Variants in ZFX observed in about 807,000 individuals in gnomAD.
ZFX encodes zinc finger X-chromosomal protein.
For missense variants in ZFX, 362 were observed against 628.3 expected, an observed-to-expected ratio of 0.58 and a Z score of 4.53; for synonymous variants, 196 against 226.8, an observed-to-expected ratio of 0.86 and a Z score of 1.22.
intron 3 of ZFX, among the ~76,000 whole-genome samples, chrX:24,158,776 A>G (rs1601799717): frequency 1.9e-5 from 2 of 105,932 alleles, no homozygotes; most frequent in Admixed American, 1.0e-4. Context: ...AGCTGGGACT[A>G]CAGGCATGTG....
chrX:24,210,720 T>C lies in ZFX; in HGVS notation c.1762T>C (p.Ser588Pro), dbSNP rs1330651442. The change falls in exon 10 of 10, where the codon TCT becomes CCT. Residue 588 changes from serine (S) to proline (P), a missense_variant. By Grantham distance (74) the Ser-to-Pro change is moderately conservative. Coordinates refer to ENST00000304543, the MANE Select transcript of ZFX (RefSeq NM_003410.4). ...GTACTGCGAATATAGGTCTGCAGAC[T>C]CTTCTAACTTGAAAACGCATGTCAA... ...CQYCEYRSAD[S>P]SNLKTHVKTK... is the part of the protein sequence containing the mutation. 4 of 1,209,395 alleles carry C rather than the reference T, an allele frequency of 3.3e-6. No homozygotes were observed. Among genetic ancestry groups the C allele is most frequent in the Non-Finnish European group, 4.5e-6 (4 of 895,172 alleles).
At chrX:24,158,339 TCAAACAAACAAA>T (rs79996399) in intron 3 of ZFX, among the ~76,000 whole-genome samples, 1 of 110,814 alleles carries the variant, frequency 9.0e-6, no homozygotes, top group Non-Finnish European at 1.9e-5. Flanking sequence ...GGACTTTGTC[TCAAACAAACAAA>T]CAAACAAAAC....
Position 24,195,618 on chromosome X carries a change from G to T in ZFX, c.647-11708G>T, listed in dbSNP as rs199976839. Among the ~76,000 whole-genome samples the T allele has an allele frequency of 2.2e-4, 25 of 111,901 alleles. No individual in the cohort carries two copies. In the East Asian group the frequency reaches 5.9e-3, roughly 26 times the overall value. On this transcript the variant is annotated intron_variant, in intron 5 of 9. Coordinates refer to ENST00000304543, the MANE Select transcript of ZFX (RefSeq NM_003410.4). ...GATCCGCCCGCCTCGGCCTCCCAAA[G>T]TGCTGGGATTATAGGCGTGAGCCAC...
At chrX:24,202,134 A>G (rs1937339430) in intron 5 of ZFX, among the ~76,000 whole-genome samples, 1 of 111,898 alleles carries the variant, frequency 8.9e-6, no homozygotes, top group African/African-American at 3.2e-5. Context: ...GAAGGATAGC[A>G]TGTTTCTCTT....
intron 4 of ZFX, chrX:24,173,833 G>C (rs887535071): frequency 3.0e-5 from 12 of 404,619 alleles, no homozygotes; most frequent in African/African-American, 2.9e-4. Context: ...GGGCTCATGT[G>C]ATCTGCCTGC....
chrX:24,163,087 A>G (rs1476727366), intron 3 of ZFX, among the ~76,000 whole-genome samples: 1 of 109,957 alleles, frequency 9.1e-6, no homozygotes. Context: ...TTTAAATCAA[A>G]AGTAGGCGTT....
intron 5 of ZFX, among the ~76,000 whole-genome samples, chrX:24,204,444 C>T (rs775551054): frequency 8.2e-4 from 92 of 111,883 alleles, no homozygotes; most frequent in Non-Finnish European, 1.6e-3. Flanking sequence ...ATTTCAAAGA[C>T]GTCAGAATCT....
chrX:24,154,368 A>G (rs1244074456), intron 3 of ZFX, among the ~76,000 whole-genome samples: 2 of 111,734 alleles, frequency 1.8e-5, no homozygotes, highest in Admixed American at 9.5e-5. Context: ...TACCAAAACA[A>G]TATCAGGTAT....
chrX:24,211,368 C>T lies in ZFX; in HGVS notation c.2410C>T (p.Leu804=). The T allele has an allele frequency of 8.3e-7, 1 of 1,212,026 alleles. No homozygotes were observed. The highest frequency in any genetic ancestry group is 1.1e-6 in the Non-Finnish European group (1 of 895,561). Residue 804 remains leucine (L), a synonymous_variant, in exon 10 of 10, where the codon CTG becomes TTG. Coordinates refer to ENST00000304543, the MANE Select transcript of ZFX (RefSeq NM_003410.4). ...AATGCGACATCATAAAGAAGTTGGC[C>T]TGCCCTAACAATACTTCTACAGAAC... ...HIMRHHKEVG[L]P is the part of the protein sequence containing the mutation.
chrX:24,159,405 T>C (rs1477172376), intron 3 of ZFX, among the ~76,000 whole-genome samples: 1 of 112,713 alleles, frequency 8.9e-6, no homozygotes, highest in Non-Finnish European at 1.9e-5. Flanking sequence ...TGTATTAACC[T>C]CATAAGATAA....
chrX:24,157,913 C>T (rs1203538079), intron 3 of ZFX, among the ~76,000 whole-genome samples: 1 of 111,196 alleles, frequency 9.0e-6, no homozygotes, highest in Non-Finnish European at 1.9e-5. Context: ...TGCACGCTGC[C>T]ACGCCCAGCT....
chrX:24,160,422 C>A (rs1933168655), intron 3 of ZFX, among the ~76,000 whole-genome samples: 1 of 108,932 alleles, frequency 9.2e-6, no homozygotes, highest in Admixed American at 9.9e-5. Context: ...CCTCAGCCTC[C>A]TGAGTCGCTG....
At chrX:24,188,036 G>T (rs1177979504) in intron 5 of ZFX, among the ~76,000 whole-genome samples, 1 of 110,135 alleles carries the variant, frequency 9.1e-6, no homozygotes, top group African/African-American at 3.3e-5. Flanking sequence ...GCCGGGCATG[G>T]TGGTGCGCAC....
At position 24,208,944 on chromosome X, in the gene ZFX, G is replaced by A; in HGVS notation, c.1138G>A (p.Ala380Thr). The A allele has an allele frequency of 8.3e-7, 1 of 1,211,892 alleles. No individual in the cohort carries two copies. Among genetic ancestry groups the A allele is most frequent in the Non-Finnish European group, 1.1e-6 (1 of 895,560 alleles). The change falls in exon 9 of 10, where the codon GCC becomes ACC. Residue 380 changes from alanine (A) to threonine (T), a missense_variant. Ala to Thr is a moderately conservative substitution (Grantham distance 58). Coordinates refer to ENST00000304543, the MANE Select transcript of ZFX (RefSeq NM_003410.4). The part of the protein sequence containing the change: ...GIENRNGTAS[A>T]LLHIDESAGL... ...TGAAAACCGGAATGGCACTGCAAGT[G>A]CCCTCTTGCACATAGATGAGTCTGC... is the stretch of plus-strand genomic sequence containing the variant.
chrX:24,153,329 C>T (rs777700340), intron 3 of ZFX, among the ~76,000 whole-genome samples: 1 of 111,509 alleles, frequency 9.0e-6, no homozygotes, highest in East Asian at 2.8e-4. Context: ...TCATGCCTTT[C>T]CTGTCTTCAC....
intron 3 of ZFX, among the ~76,000 whole-genome samples, chrX:24,153,323 G>T (rs1280469904): frequency 9.0e-6 from 1 of 111,180 alleles, no homozygotes; most frequent in Non-Finnish European, 1.9e-5. Context: ...TCCCCTTCAT[G>T]CCTTTCCTGT....
chrX:24,211,622 C>T lies in ZFX; in HGVS notation c.*246C>T. On this transcript the variant is annotated 3_prime_UTR_variant, in exon 10 of 10. Transcript: ENST00000304543. ...TGCTAGTTACTTTTAATAAAGTAATCCCTGATTCTATACCGAAGTTTTATA... is the reference window on the plus strand; with the variant it reads ...TGCTAGTTACTTTTAATAAAGTAATTCCTGATTCTATACCGAAGTTTTATA... 1 of 359,107 alleles carries T rather than the reference C, an allele frequency of 2.8e-6. No homozygotes were observed. 29.6% of individuals were successfully genotyped at this position (359,107 alleles called of 1,213,427 possible).
upstream of ZFX, chrX:24,148,990 G>A (rs1195567226): frequency 9.0e-6 from 1 of 111,372 alleles, no homozygotes; most frequent in Non-Finnish European, 1.9e-5. Context: ...TTAAAAAGTA[G>A]ACGGCCTGGT....
chrX:24,192,174 T>C (rs1936576178), intron 5 of ZFX, among the ~76,000 whole-genome samples: 1 of 112,004 alleles, frequency 8.9e-6, no homozygotes, highest in South Asian at 3.7e-4. Flanking sequence ...ATAGGCTCAT[T>C]GTTCACAGAA....
Sources: gnomAD v4.1 joint callset for allele counts (sites outside exome capture counted in the v4.1 genomes callset) on GRCh38, gnomAD v4.1.1 for gene constraint, MANE v1.5 for transcripts, NCBI Gene and HGNC (gene_info 2026-07-23, HGNC 2026-07-21) for gene names.